The following ADAMTSL3 variants were observed in gnomAD, a reference collection of about 807,000 sequenced individuals.
ADAMTSL3 encodes the protein ADAMTS-like protein 3.
ADAMTSL3 carries 128 observed loss-of-function variants against 201.7 expected under a neutral mutation model. The ratio of observed to expected loss-of-function variants is 0.63; its 90% confidence interval spans 0.55 to 0.73. ADAMTSL3 has a LOEUF of 0.73. Ranked by LOEUF, ADAMTSL3 falls within the 30% of genes least tolerant of loss-of-function variation. The probability of loss-of-function intolerance (pLI) is 0.00; values close to 1 mark genes in which losing one functional copy is unlikely to be tolerated. For missense variants in ADAMTSL3, 1,990 were observed against 2,119.6 expected (o/e 0.94, Z 1.20); for synonymous variants, 738 against 748.4 (o/e 0.99, Z 0.23).
intron 19 of ADAMTSL3, among the ~76,000 whole-genome samples, chr15:83,949,767 T>G (rs1286101945): frequency 6.6e-6 from 1 of 152,174 alleles, no homozygotes; most frequent in African/African-American, 2.4e-5. Context: ...ATCATTGATG[T>G]TGATCACCTT....
At chr15:83,798,880 A>G (rs1204989606) in intron 4 of ADAMTSL3, among the ~76,000 whole-genome samples, 1 of 151,946 alleles carries the variant, frequency 6.6e-6, no homozygotes, top group Non-Finnish European at 1.5e-5. Context: ...AGATTAATTC[A>G]AAAGCATGGT....
At chr15:83,867,386 A>G (rs147507016) in intron 8 of ADAMTSL3, among the ~76,000 whole-genome samples, 464 of 152,320 alleles carry the variant, frequency 3.0e-3, no homozygotes, top group Non-Finnish European at 4.8e-3. Flanking sequence ...CCAGGAGTGC[A>G]TCCCTTCAAA....
At chr15:83,686,715 C>G (rs1441209082) in intron 2 of ADAMTSL3, among the ~76,000 whole-genome samples, 1 of 152,144 alleles carries the variant, frequency 6.6e-6, no homozygotes, top group Non-Finnish European at 1.5e-5. Context: ...GAACCAAAGA[C>G]TGCATCTTGG....
At chr15:83,871,157 T>A (rs956041915) in intron 9 of ADAMTSL3, among the ~76,000 whole-genome samples, 198 bp downstream of exon 9, 1 of 152,214 alleles carries the variant, frequency 6.6e-6, no homozygotes. Context: ...CCCTAACAGT[T>A]AAAAAACAAA....
In ADAMTSL3 at chr15:83,784,436, A is replaced by G. The variant is rs139141359; in HGVS notation, c.317+10786A>G. On this transcript the variant is annotated intron_variant, in intron 4 of 29. Transcript: ENST00000286744. ...ATTCAGTCTTGCTTACCCTATGTAT[A>G]GCAATAATCACCTAAAGTTTCTGCC... 1.0e-3 allele frequency among the ~76,000 whole-genome samples: 153 copies of G among 152,310 alleles called. 4 individuals carry two copies. The East Asian group carries it at 0.023, about 23-fold the overall frequency.
rs550976636 is a variant in ADAMTSL3, at chr15:83,743,381, C to T, written c.190-30142C>T. On this transcript the variant is annotated intron_variant, in intron 3 of 29. Coordinates refer to ENST00000286744, the MANE Select transcript of ADAMTSL3 (RefSeq NM_207517.3). ...ACAAAAAATTAGCCGGGCGCGGTGG[C>T]GGGCGCCTGTAGTCCCAGCTACTCG... is the stretch of plus-strand genomic sequence containing the variant. 1.4e-4 allele frequency among the ~76,000 whole-genome samples: 22 copies of T among 151,768 alleles called. No homozygotes were observed. In the South Asian group the frequency reaches 2.7e-3, roughly 19 times the overall value.
chr15:83,837,646 G>T (rs1015414823), intron 6 of ADAMTSL3, among the ~76,000 whole-genome samples: 1 of 151,560 alleles, frequency 6.6e-6, no homozygotes, highest in African/African-American at 2.4e-5. Flanking sequence ...GGGTGTTGGG[G>T]CACAGGCCTG....
intron 6 of ADAMTSL3, among the ~76,000 whole-genome samples, chr15:83,834,800 A>G (rs1406789501): frequency 1.3e-5 from 2 of 152,232 alleles, no homozygotes; most frequent in African/African-American, 4.8e-5. Flanking sequence ...CTGGCAGTAT[A>G]GAAAATGGTT....
At position 84,025,869 on chromosome 15, in the gene ADAMTSL3, A is replaced by G. The variant is rs1042621447; in HGVS notation, c.4656+433A>G. Among the ~76,000 whole-genome samples the G allele has an allele frequency of 1.1e-4, 17 of 152,366 alleles. 1 individual carries two copies. The highest frequency in any genetic ancestry group is 3.8e-4 in the African/African-American group (16 of 41,590). On this transcript the variant is annotated intron_variant, in intron 27 of 29. Transcript: ENST00000286744. Reference sequence around the variant, plus strand: ...CCCATAAATAAAAATATAACACATTATTGAAACACATAAAAGTTGAGCAAA... The same window carrying G: ...CCCATAAATAAAAATATAACACATTGTTGAAACACATAAAAGTTGAGCAAA...
intron 6 of ADAMTSL3, among the ~76,000 whole-genome samples, chr15:83,823,963 T>C (rs867455273): frequency 0.024 from 1,484 of 62,790 alleles, 151 homozygotes; most frequent in African/African-American, 0.063. Context: ...TTCTTCTTCT[T>C]CTTCTTCTTC....
intron 6 of ADAMTSL3, among the ~76,000 whole-genome samples, chr15:83,829,135 G>A (rs1370020420): frequency 1.8e-4 from 27 of 152,256 alleles, no homozygotes; most frequent in Admixed American, 5.2e-4. Flanking sequence ...GGAAGAATTC[G>A]GCTGTGAATC....
At chr15:83,860,742 A>G (rs1331908121) in intron 8 of ADAMTSL3, among the ~76,000 whole-genome samples, 2 of 152,324 alleles carry the variant, frequency 1.3e-5, no homozygotes, top group East Asian at 3.9e-4. Flanking sequence ...AGCATGAGTG[A>G]CGTAGAAGAC....
In ADAMTSL3 at chr15:83,654,680, A is replaced by G. The variant is rs900070648; in HGVS notation, c.-34+404A>G. ...ACGCCGGGGGTTGAGGCGACGCGCG[A>G]TCGTGGAAAGTGGGCGTGGGGGTGA... On this transcript the variant is annotated intron_variant, in intron 1 of 29. Transcript: ENST00000286744. The surrounding 1 kb of genome is among the most constrained non-coding windows in gnomAD (Gnocchi z 5.3). Among the ~76,000 whole-genome samples, 2 of 152,010 alleles carry G rather than the reference A, an allele frequency of 1.3e-5. No homozygotes were observed. The highest frequency in any genetic ancestry group is 1.3e-4 in the Admixed American group (2 of 15,274).
rs148294979 is a variant in ADAMTSL3 at position 83,727,536 on chromosome 15, A to C, written c.189+23028A>C. Among the ~76,000 whole-genome samples the C allele has an allele frequency of 1.9e-3, 287 of 152,008 alleles. 2 individuals carry two copies. The highest frequency in any genetic ancestry group is 6.8e-3 in the African/African-American group (283 of 41,514). ...TGGTGTTTATTGCTATAAATTTCTT[A>C]GTACTACTTTTGCTGTATTACATCA... On this transcript the variant is annotated intron_variant, in intron 3 of 29. Transcript: ENST00000286744.
intron 7 of ADAMTSL3, among the ~76,000 whole-genome samples, chr15:83,845,833 C>T (rs527489496): frequency 3.3e-5 from 5 of 152,188 alleles, no homozygotes; most frequent in Non-Finnish European, 5.9e-5. Flanking sequence ...TGAACTGCTA[C>T]TTGGTTGCCT....
intron 4 of ADAMTSL3, among the ~76,000 whole-genome samples, chr15:83,779,963 C>T (rs1453017080): frequency 6.6e-6 from 1 of 151,932 alleles, no homozygotes; most frequent in East Asian, 1.9e-4. Context: ...CACTAAATGC[C>T]CACATCAAAA....
At chr15:83,812,501 C>T (rs898088942) in intron 5 of ADAMTSL3, among the ~76,000 whole-genome samples, 2 of 152,318 alleles carry the variant, frequency 1.3e-5, no homozygotes, top group South Asian at 4.1e-4. Flanking sequence ...ACCGTAAAAG[C>T]CCTGTATTAA....
chr15:84,021,686 GT>G (rs914274702), intron 26 of ADAMTSL3, 93 bp downstream of exon 26: 72 of 1,387,532 alleles, frequency 5.2e-5, no homozygotes, highest in African/African-American at 4.2e-4. Flanking sequence ...CAATAGCTAA[GT>G]TTTTTTTATC....
chr15:83,991,314 A>T (rs2067578525), intron 23 of ADAMTSL3, 100 bp downstream of exon 23: 1 of 1,551,924 alleles, frequency 6.4e-7, no homozygotes, highest in South Asian at 1.2e-5. Context: ...GGTATTCGAG[A>T]CCTCAGCCTG....
Sources: gnomAD v4.1 joint callset for allele counts (sites outside exome capture counted in the v4.1 genomes callset) on GRCh38, gnomAD v4.1.1 for gene constraint, Gnocchi (gnomAD v3.1) non-coding constraint, MANE v1.5 for transcripts, NCBI Gene and HGNC (gene_info 2026-07-23, HGNC 2026-07-21) for gene names.